Variants in APLF observed in about 807,000 individuals in gnomAD.
APLF encodes the protein aprataxin and PNKP like factor, also known as aprataxin and PNK-like factor.
In APLF, 61 loss-of-function variants were observed where a neutral mutation model predicts 55.6. The ratio of observed to expected loss-of-function variants is 1.10; its 90% confidence interval spans 0.89 to 1.36. The LOEUF is 1.36. Ranked by LOEUF, APLF falls within the 40% of genes most tolerant of loss-of-function variation. The pLI is 0.00. For missense variants in APLF, 611 were observed against 602.5 expected (o/e 1.01, Z -0.15); for synonymous variants, 207 against 214.8 (o/e 0.96, Z 0.32).
At chr2:68,524,724 C>T (rs1216952341) in intron 5 of APLF, among the ~76,000 whole-genome samples, 1 of 152,148 alleles carries the variant, frequency 6.6e-6, no homozygotes, top group Non-Finnish European at 1.5e-5. Context: ...TTCATTTAGT[C>T]AGAAATATTT....
chr2:68,509,029 T>C (rs1676961521), intron 3 of APLF, among the ~76,000 whole-genome samples: 1 of 152,110 alleles, frequency 6.6e-6, no homozygotes. Flanking sequence ...TGTAGAAAGC[T>C]GAAACTGGAT....
chr2:68,483,071 G>C (rs1047056048), intron 1 of APLF, among the ~76,000 whole-genome samples: 1 of 152,052 alleles, frequency 6.6e-6, no homozygotes, highest in Non-Finnish European at 1.5e-5. Context: ...AATGATGGTA[G>C]AGCCTCAAAG....
intron 5 of APLF, among the ~76,000 whole-genome samples, chr2:68,518,622 GAATATATAATAATATATCATTAATATATC>G (rs1669750571): frequency 5.0e-5 from 6 of 119,226 alleles, no homozygotes; most frequent in African/African-American, 2.0e-4. Context: ...AATATATCAT[GAATATATAATAATATATCATTAATATATC>G]ATGAATATAT....
At position 68,490,183 on chromosome 2, in the gene APLF, T is replaced by C. The variant is rs954627489; in HGVS notation, c.97-7T>C. The C allele has an allele frequency of 6.3e-7, 1 of 1,576,204 alleles. No individual in the cohort carries two copies. The highest frequency in any genetic ancestry group is 1.2e-5 in the South Asian group (1 of 83,478). On this transcript the variant is annotated splice_region_variant and splice_polypyrimidine_tract_variant and intron_variant, in intron 1 of 9. Coordinates refer to ENST00000303795, the MANE Select transcript of APLF (RefSeq NM_173545.3). ...ATTCTTAATCTTTTAATTTTTTTAC[T>C]GTATAGATAACAGACAAGAGAGTAT...
intron 5 of APLF, among the ~76,000 whole-genome samples, chr2:68,525,594 C>T (rs1164463723): frequency 6.6e-6 from 1 of 152,152 alleles, no homozygotes; most frequent in African/African-American, 2.4e-5. Context: ...ATTGGCATCT[C>T]AGCCTGGTAG....
At chr2:68,518,201 TATA>T (rs1335834697) in intron 5 of APLF, among the ~76,000 whole-genome samples, 37 of 121,852 alleles carry the variant, frequency 3.0e-4, no homozygotes, top group Non-Finnish European at 3.8e-4. Flanking sequence ...ATTACTAATA[TATA>T]ATAATATATC....
At chr2:68,512,967 C>CT (rs1003304463) in intron 3 of APLF, 113 bp from the exon 4 acceptor site, 8 of 887,136 alleles carry the variant, frequency 9.0e-6, no homozygotes, top group Admixed American at 2.8e-5. Context: ...CTATAATCTG[C>CT]TTTTTTTGGT....
intron 5 of APLF, chr2:68,515,676 G>A: frequency 6.1e-6 from 6 of 983,032 alleles, no homozygotes; most frequent in Non-Finnish European, 7.2e-6. Flanking sequence ...AATATCGCAT[G>A]TGTACAATGT....
intron 1 of APLF, among the ~76,000 whole-genome samples, chr2:68,468,671 A>G (rs374025015): frequency 6.8e-4 from 103 of 152,280 alleles, no homozygotes; most frequent in Non-Finnish European, 1.2e-3. Context: ...TCTTAAGTAC[A>G]TCTAGTTTTC....
At chr2:68,525,917 C>A in intron 5 of APLF, 144 bp from the exon 6 acceptor site, 2 of 729,154 alleles carry the variant, frequency 2.7e-6, no homozygotes, top group Non-Finnish European at 4.2e-6. Flanking sequence ...ACCTGCCTAT[C>A]TTTTGTATTT....
chr2:68,468,690 T>A (rs372943130), intron 1 of APLF, among the ~76,000 whole-genome samples: 10 of 152,344 alleles, frequency 6.6e-5, no homozygotes, highest in African/African-American at 2.2e-4. Flanking sequence ...TCTATTTTGT[T>A]CTTTAACATT....
chr2:68,542,439 C>G (rs1017604909), intron 7 of APLF, among the ~76,000 whole-genome samples: 1 of 149,706 alleles, frequency 6.7e-6, no homozygotes, highest in African/African-American at 2.6e-5. Flanking sequence ...ACATAAAGAA[C>G]TATAACTAAA....
chr2:68,526,355 G>C, intron 6 of APLF, 113 bp downstream of exon 6: 1 of 1,436,836 alleles, frequency 7.0e-7, no homozygotes, highest in Non-Finnish European at 9.6e-7. Context: ...TTGAGTTTAT[G>C]AAGACAAAAC....
At chr2:68,518,683 T>TATATAATA (rs1220125379) in intron 5 of APLF, among the ~76,000 whole-genome samples, 2 of 116,510 alleles carry the variant, frequency 1.7e-5, no homozygotes, top group African/African-American at 3.7e-5. Flanking sequence ...ATATCATGAA[T>TATATAATA]ATATATCATT....
intron 6 of APLF, 102 bp downstream of exon 6, chr2:68,526,344 G>T (rs547819103): frequency 2.1e-6 from 3 of 1,444,412 alleles, no homozygotes; most frequent in South Asian, 2.4e-5. Context: ...GCCTTTTATT[G>T]TTGAGTTTAT....
chr2:68,469,832 T>C (rs1427472548), intron 1 of APLF, among the ~76,000 whole-genome samples: 1 of 152,230 alleles, frequency 6.6e-6, no homozygotes, highest in Admixed American at 6.5e-5. Context: ...AAACGATTAA[T>C]ATAAATAAGG....
intron 5 of APLF, among the ~76,000 whole-genome samples, chr2:68,523,094 C>T (rs79897546): frequency 0.025 from 3,846 of 151,834 alleles, 63 homozygotes; most frequent in South Asian, 0.043. Context: ...TATTATCTAC[C>T]ACACTTATAA....
At chr2:68,514,620 T>C (rs1467655026) in intron 5 of APLF, among the ~76,000 whole-genome samples, 1 of 151,662 alleles carries the variant, frequency 6.6e-6, no homozygotes, top group African/African-American at 2.4e-5. Flanking sequence ...TTTATGTAGG[T>C]TTTTGCTCTT....
chr2:68,513,983 G>T (rs1669494370), intron 5 of APLF, among the ~76,000 whole-genome samples: 1 of 151,746 alleles, frequency 6.6e-6, no homozygotes, highest in South Asian at 2.1e-4. Context: ...TAAAAGGCCA[G>T]CACAATAAGA....
Sources: allele counts gnomAD v4.1 joint callset (sites outside exome capture counted in the v4.1 genomes callset), GRCh38; gene constraint gnomAD v4.1.1; transcripts MANE v1.5; gene names NCBI Gene and HGNC (gene_info 2026-07-23, HGNC 2026-07-21).